RIMS4: variants seen among roughly 807,000 people sequenced by gnomAD.
RIMS4 encodes the protein regulating synaptic membrane exocytosis 4.
In RIMS4, 9 loss-of-function variants were observed where a neutral mutation model predicts 29.0. That is an observed-to-expected ratio of 0.31 (90% CI 0.19 to 0.54). The LOEUF is 0.54. Ranked by LOEUF, RIMS4 falls within the 20% of genes least tolerant of loss-of-function variation. The pLI, the probability that RIMS4 is intolerant of heterozygous loss-of-function variation, is 0.94. For missense variants in RIMS4, 193 were observed against 365.7 expected (o/e 0.53, Z 3.85); for synonymous variants, 130 against 152.9 (o/e 0.85, Z 1.10).
intron 1 of RIMS4, among the ~76,000 whole-genome samples, chr20:44,780,580 G>T (rs2145461952): frequency 6.6e-6 from 1 of 152,318 alleles, no homozygotes; most frequent in South Asian, 2.1e-4. Context: ...GAGGTGCTCA[G>T]CACTCATCAT....
Position 44,756,814 on chromosome 20 carries a change from G to A in RIMS4, c.591+84C>T, listed in dbSNP as rs552451059. The A allele has an allele frequency of 1.0e-4, 142 of 1,405,902 alleles. No individual in the cohort carries two copies. The East Asian group carries it at 2.9e-3, about 29-fold the overall frequency. The allele number at this position is 1,405,902 out of a possible 1,614,324, so 87.1% of individuals were successfully genotyped here. The stretch of plus-strand genomic sequence containing the variant: ...GCGAGGCCCTCCAGAGACACCCCCC[G>A]CCAGGGGTGCCCTCCTCTCATTCTG... On this transcript the variant is annotated intron_variant, in intron 5 of 5. Transcript: ENST00000372851. This position sits in a 1 kb window ranked among gnomAD's most constrained non-coding sequence, Gnocchi z 5.9.
At chr20:44,764,138 T>TCCA (rs1568895598) in intron 2 of RIMS4, among the ~76,000 whole-genome samples, 3 of 17,082 alleles carry the variant, frequency 1.8e-4, no homozygotes, top group African/African-American at 7.0e-4. Flanking sequence ...ATCCATCCAT[T>TCCA]TATGCATCCA....
intron 1 of RIMS4, 41 bp from the exon 2 acceptor site, chr20:44,771,454 C>T (rs756660697): frequency 1.3e-6 from 2 of 1,586,778 alleles, no homozygotes; most frequent in African/African-American, 1.3e-5. Context: ...AAGAGAGACA[C>T]AGGTGGGAGG....
At chr20:44,758,287 C>T in intron 2 of RIMS4, 103 bp from the exon 3 acceptor site, 2 of 745,622 alleles carry the variant, frequency 2.7e-6, no homozygotes, top group South Asian at 3.7e-5. Context: ...CTGAAACTTC[C>T]CTCTTGGGAT....
intron 1 of RIMS4, among the ~76,000 whole-genome samples, chr20:44,798,191 C>G (rs2066262838): frequency 1.3e-5 from 2 of 152,192 alleles, no homozygotes. Context: ...TCAGGACAGG[C>G]ACCCTCCAAA....
At chr20:44,802,630 A>C (rs143569812) in intron 1 of RIMS4, among the ~76,000 whole-genome samples, 69 of 152,326 alleles carry the variant, frequency 4.5e-4, no homozygotes, top group African/African-American at 1.6e-3. Context: ...AAGCTGCGTT[A>C]TGCATGTAAA....
At chr20:44,793,398 G>A (rs186611304) in intron 1 of RIMS4, among the ~76,000 whole-genome samples, 151 of 152,308 alleles carry the variant, frequency 9.9e-4, no homozygotes, top group Non-Finnish European at 1.5e-3. Context: ...AGATGAATGC[G>A]GAGGGGGAGG....
chr20:44,780,843 A>C (rs529137319), intron 1 of RIMS4, among the ~76,000 whole-genome samples: 2 of 152,336 alleles, frequency 1.3e-5, no homozygotes, highest in African/African-American at 4.8e-5. Flanking sequence ...AAAGACACAG[A>C]GATGAAGTGA....
intron 1 of RIMS4, among the ~76,000 whole-genome samples, chr20:44,801,267 C>T (rs2066276247): frequency 6.6e-6 from 1 of 152,106 alleles, no homozygotes; most frequent in Non-Finnish European, 1.5e-5. Flanking sequence ...TTTTTAAGTG[C>T]CTTTGTCTTC....
At chr20:44,779,725 T>C (rs1456894120) in intron 1 of RIMS4, among the ~76,000 whole-genome samples, 1 of 152,222 alleles carries the variant, frequency 6.6e-6, no homozygotes, top group East Asian at 1.9e-4. Context: ...GTATGTGTCT[T>C]TTGGTGACCA....
chr20:44,754,840 TAA>T lies in RIMS4; in HGVS notation c.*1292_*1293del, dbSNP rs1210865972. The T allele has an allele frequency of 2.0e-5, 3 of 152,448 alleles. No individual in the cohort carries two copies. Among genetic ancestry groups the T allele is most frequent in the South Asian group, 4.1e-4 (2 of 4,820 alleles). 9.4% of individuals were successfully genotyped at this position (152,448 alleles called of 1,614,324 possible). A position where few individuals can be genotyped will look rare whatever the true frequency, so the allele number is the denominator to read the frequency against. ...TACGCCCTACACAGCAGGGACTAGGTAAAGAGTGGCAGGCTTCTGGGTGCCTC... is the reference window on the plus strand; with the variant it reads ...TACGCCCTACACAGCAGGGACTAGGTAGAGTGGCAGGCTTCTGGGTGCCTC... On this transcript the variant is annotated 3_prime_UTR_variant, in exon 6 of 6. Coordinates refer to ENST00000372851, the MANE Select transcript of RIMS4 (RefSeq NM_182970.4).
chr20:44,809,698 G>T (rs572129154), intron 1 of RIMS4, among the ~76,000 whole-genome samples: 1 of 152,140 alleles, frequency 6.6e-6, no homozygotes, highest in South Asian at 2.1e-4. Flanking sequence ...CTGGGGCGCC[G>T]GGCAGGGGTC....
At chr20:44,802,886 C>T (rs767051821) in intron 1 of RIMS4, among the ~76,000 whole-genome samples, 3 of 152,200 alleles carry the variant, frequency 2.0e-5, no homozygotes, top group Non-Finnish European at 4.4e-5. Flanking sequence ...TTCCCTAAAA[C>T]TCAAACTCGC....
At chr20:44,775,049 C>A (rs916974028) in intron 1 of RIMS4, among the ~76,000 whole-genome samples, 1 of 152,214 alleles carries the variant, frequency 6.6e-6, no homozygotes, top group African/African-American at 2.4e-5. Flanking sequence ...CTCAACCCAG[C>A]TCCCGGGCCC....
At chr20:44,763,445 T>C (rs1483016236) in intron 2 of RIMS4, among the ~76,000 whole-genome samples, 1 of 152,256 alleles carries the variant, frequency 6.6e-6, no homozygotes, top group Admixed American at 6.5e-5. Context: ...TGCCACATTC[T>C]TGGCATTTTC....
intron 1 of RIMS4, among the ~76,000 whole-genome samples, chr20:44,806,331 G>T (rs1330360504): frequency 6.6e-6 from 1 of 152,182 alleles, no homozygotes; most frequent in Admixed American, 6.5e-5. Context: ...CAGCTCCCCA[G>T]CTAGGCCCCA....
At chr20:44,794,995 C>T (rs2066248482) in intron 1 of RIMS4, among the ~76,000 whole-genome samples, 2 of 152,310 alleles carry the variant, frequency 1.3e-5, no homozygotes, top group East Asian at 3.9e-4. Flanking sequence ...AAGCTCAAGC[C>T]CAAGAGCCTC....
At chr20:44,791,361 C>T (rs147209139) in intron 1 of RIMS4, among the ~76,000 whole-genome samples, 3 of 152,340 alleles carry the variant, frequency 2.0e-5, no homozygotes, top group African/African-American at 7.2e-5. Flanking sequence ...TCAAGGAAAC[C>T]AGCTCTGCCA....
intron 1 of RIMS4, among the ~76,000 whole-genome samples, chr20:44,801,138 G>C (rs567098699): frequency 1.3e-5 from 2 of 152,266 alleles, no homozygotes; most frequent in African/African-American, 4.8e-5. Context: ...AGCTAGAAAG[G>C]GCCAGAGATG....
Sources: gnomAD v4.1 joint callset for allele counts (sites outside exome capture counted in the v4.1 genomes callset) on GRCh38, gnomAD v4.1.1 for gene constraint, Gnocchi (gnomAD v3.1) non-coding constraint, MANE v1.5 for transcripts, NCBI Gene and HGNC (gene_info 2026-07-23, HGNC 2026-07-21) for gene names.